Variants in ADGRB3 observed in about 807,000 individuals in gnomAD.
ADGRB3 encodes the protein brain-specific angiogenesis inhibitor 3.
Under a neutral mutation model 193.4 loss-of-function variants are expected in ADGRB3, and 37 were observed. The ratio of observed to expected loss-of-function variants is 0.19; its 90% confidence interval spans 0.15 to 0.25. The LOEUF (loss-of-function observed/expected upper bound fraction) is 0.25, where lower values mean the gene tolerates loss of function less well. ADGRB3 is among the 10% of genes least tolerant of loss of function. The probability of loss-of-function intolerance (pLI) is 1.00; values close to 1 mark genes in which losing one functional copy is unlikely to be tolerated. For missense variants in ADGRB3, 1,637 were observed against 1,852.9 expected, an observed-to-expected ratio of 0.88 and a Z score of 2.14; for synonymous variants, 690 against 644.2, an observed-to-expected ratio of 1.07 and a Z score of -1.08.
intron 3 of ADGRB3, among the ~76,000 whole-genome samples, chr6:68,748,127 A>G (rs888264213): frequency 6.6e-6 from 1 of 152,122 alleles, no homozygotes; most frequent in Non-Finnish European, 1.5e-5. Flanking sequence ...GATACAATTC[A>G]AGTTGAGATT....
chr6:69,262,904 T>A (rs1022890320), intron 20 of ADGRB3, among the ~76,000 whole-genome samples: 1 of 151,926 alleles, frequency 6.6e-6, no homozygotes, highest in Non-Finnish European at 1.5e-5. Flanking sequence ...CATATTCCCG[T>A]CCCATAAAGG....
At chr6:68,814,896 T>C (rs182093716) in intron 3 of ADGRB3, among the ~76,000 whole-genome samples, 113 of 152,260 alleles carry the variant, frequency 7.4e-4, no homozygotes, top group Non-Finnish European at 1.5e-3. Flanking sequence ...CACATGATTA[T>C]CTCAATAGAT....
intron 10 of ADGRB3, among the ~76,000 whole-genome samples, chr6:68,983,874 G>T (rs2225805): frequency 2.0e-5 from 3 of 152,064 alleles, no homozygotes; most frequent in African/African-American, 7.2e-5. Flanking sequence ...TTTCTTCTTA[G>T]AAATAACATT....
At chr6:69,333,195 A>AACT (rs1768764474) in intron 24 of ADGRB3, among the ~76,000 whole-genome samples, 187 bp downstream of exon 24, 1 of 152,212 alleles carries the variant, frequency 6.6e-6, no homozygotes, top group Non-Finnish European at 1.5e-5. Context: ...AAAAATCTAA[A>AACT]ACTACTATAA....
In ADGRB3 at chr6:69,327,901, C is replaced by A; in HGVS notation, c.3035+12C>A. ...GGCACTGATCACTAGTAAGTCCATCCACAGAGATAAATCATGTTTATAATT... is the reference window on the plus strand; with the variant it reads ...GGCACTGATCACTAGTAAGTCCATCAACAGAGATAAATCATGTTTATAATT... On this transcript the variant is annotated intron_variant, in intron 22 of 31. Coordinates refer to ENST00000370598, the MANE Select transcript of ADGRB3 (RefSeq NM_001704.3). 6.3e-7 allele frequency: 1 copy of A among 1,589,098 alleles called. No homozygotes were observed. Among genetic ancestry groups the A allele is most frequent in the Non-Finnish European group, 8.6e-7 (1 of 1,161,470 alleles).
chr6:69,269,006 AT>A (rs1484331893), intron 20 of ADGRB3, among the ~76,000 whole-genome samples: 1 of 152,060 alleles, frequency 6.6e-6, no homozygotes, highest in African/African-American at 2.4e-5. Context: ...TTATTCTTTT[AT>A]TTATTATTTA....
intron 3 of ADGRB3, among the ~76,000 whole-genome samples, chr6:68,724,173 G>A (rs1436750152): frequency 6.6e-6 from 1 of 151,332 alleles, no homozygotes; most frequent in Non-Finnish European, 1.5e-5. Context: ...TGCTTGTTAT[G>A]TACTGGTCCA....
chr6:69,210,412 C>T (rs1765637707), intron 17 of ADGRB3, among the ~76,000 whole-genome samples: 1 of 151,802 alleles, frequency 6.6e-6, no homozygotes, highest in African/African-American at 2.4e-5. Context: ...TTAGACTGTG[C>T]CTATCCAGAT....
chr6:68,899,669 A>C (rs1037232619), intron 3 of ADGRB3, among the ~76,000 whole-genome samples: 2 of 151,916 alleles, frequency 1.3e-5, no homozygotes, highest in Non-Finnish European at 2.9e-5. Flanking sequence ...TATGTGCCAC[A>C]TTTTCTTAAT....
chr6:69,340,461 C>A (rs1048636210), intron 26 of ADGRB3, among the ~76,000 whole-genome samples: 1 of 152,070 alleles, frequency 6.6e-6, no homozygotes, highest in Non-Finnish European at 1.5e-5. Context: ...TTTGCATTAT[C>A]TAGCTTGTTT....
chr6:68,897,011 A>G (rs1766236323), intron 3 of ADGRB3, among the ~76,000 whole-genome samples: 1 of 152,150 alleles, frequency 6.6e-6, no homozygotes, highest in Admixed American at 6.5e-5. Flanking sequence ...TCAATCTTAG[A>G]CTTCAATCTC....
chr6:69,013,736 A>ATAAT (rs1173907055), intron 11 of ADGRB3, among the ~76,000 whole-genome samples: 1 of 152,090 alleles, frequency 6.6e-6, no homozygotes, highest in African/African-American at 2.4e-5. Flanking sequence ...CTTGTATGGA[A>ATAAT]TAATTACACA....
chr6:68,708,250 G>A (rs1343419574), intron 3 of ADGRB3, among the ~76,000 whole-genome samples: 2 of 152,132 alleles, frequency 1.3e-5, no homozygotes, highest in Non-Finnish European at 2.9e-5. Context: ...AGTATAAAGA[G>A]AGATATAACC....
chr6:68,908,865 G>A (rs750404292), intron 3 of ADGRB3, among the ~76,000 whole-genome samples: 2 of 151,972 alleles, frequency 1.3e-5, no homozygotes, highest in Admixed American at 6.6e-5. Context: ...CCTCTCTTCC[G>A]TATCTGACAT....
intron 17 of ADGRB3, among the ~76,000 whole-genome samples, chr6:69,105,922 G>A (rs781473444): frequency 6.6e-6 from 1 of 152,018 alleles, no homozygotes; most frequent in Non-Finnish European, 1.5e-5. Flanking sequence ...GTCACCTGAG[G>A]TCAGGAGTTT....
chr6:68,791,049 TAA>T (rs35408314), intron 3 of ADGRB3, among the ~76,000 whole-genome samples: 5 of 97,310 alleles, frequency 5.1e-5, no homozygotes, highest in Non-Finnish European at 4.7e-5. Flanking sequence ...CCACATCTCT[TAA>T]AAAAAAAAAA....
chr6:68,856,571 G>C (rs1764991405), intron 3 of ADGRB3, among the ~76,000 whole-genome samples: 1 of 152,200 alleles, frequency 6.6e-6, no homozygotes, highest in Non-Finnish European at 1.5e-5. Context: ...CTTTGAACTT[G>C]AGAGAGATAA....
At chr6:68,851,283 GTCTT>G (rs1292792886) in intron 3 of ADGRB3, among the ~76,000 whole-genome samples, 1 of 151,666 alleles carries the variant, frequency 6.6e-6, no homozygotes, top group Non-Finnish European at 1.5e-5. Flanking sequence ...CTCTCTAGCT[GTCTT>G]TCTCTCTAGT....
At chr6:68,941,216 A>C (rs1338032131) in intron 5 of ADGRB3, among the ~76,000 whole-genome samples, 1 of 152,186 alleles carries the variant, frequency 6.6e-6, no homozygotes, top group African/African-American at 2.4e-5. Context: ...TTAAAATAAA[A>C]ATGTCTAATC....
Sources: gnomAD v4.1 joint callset for allele counts (sites outside exome capture counted in the v4.1 genomes callset) on GRCh38, gnomAD v4.1.1 for gene constraint, MANE v1.5 for transcripts, NCBI Gene and HGNC (gene_info 2026-07-23, HGNC 2026-07-21) for gene names.